Variants in PARD6G observed in about 807,000 individuals in gnomAD.
The protein encoded by PARD6G is partitioning defective 6 homolog gamma.
PARD6G carries 7 observed loss-of-function variants against 10.7 expected under a neutral mutation model. The observed-to-expected ratio is 0.66, with a 90% CI of 0.37 to 1.23. The LOEUF (loss-of-function observed/expected upper bound fraction) is 1.23, where lower values mean the gene tolerates loss of function less well. Ranked by LOEUF, PARD6G falls within the 50% of genes most tolerant of loss-of-function variation. The probability of loss-of-function intolerance (pLI) is 0.02; values close to 1 mark genes in which losing one functional copy is unlikely to be tolerated. For synonymous variants in PARD6G, 287 were observed against 269.4 expected (o/e 1.07, Z -0.64); for missense variants, 548 against 571.8 (o/e 0.96, Z 0.42).
rs1967547271 is a variant in PARD6G, at chr18:80,246,396, C to T, written c.72+881G>A. ...CAAAGGGCAGAAGCGCCAGATCCTA[C>T]CAGCCAATTACCCAGACGCGCATCG... On this transcript the variant is annotated intron_variant, in intron 1 of 2. Transcript: ENST00000353265. The surrounding 1 kb of genome is among the most constrained non-coding windows in gnomAD (Gnocchi z 6.7). Among the ~76,000 whole-genome samples, 3 of 152,192 alleles carry T rather than the reference C, an allele frequency of 2.0e-5. No individual in the cohort carries two copies. Among genetic ancestry groups the T allele is most frequent in the Non-Finnish European group, 4.4e-5 (3 of 68,020 alleles).
rs1966996592 is a variant in PARD6G, at chr18:80,200,283, T to G, written c.295+2427A>C. Among the ~76,000 whole-genome samples, 1 of 152,148 alleles carries G rather than the reference T, an allele frequency of 6.6e-6. No homozygotes were observed. Among genetic ancestry groups the G allele is most frequent in the Admixed American group, 6.5e-5 (1 of 15,278 alleles). Reference sequence around the variant, plus strand: ...TTACTATGCAGGGAGGGTGCCTGACTGTGCACCGGAAACAACTGCCCCTGA... The same window carrying G: ...TTACTATGCAGGGAGGGTGCCTGACGGTGCACCGGAAACAACTGCCCCTGA... On this transcript the variant is annotated intron_variant, in intron 2 of 2. Transcript: ENST00000353265. This position sits in a 1 kb window ranked among gnomAD's most constrained non-coding sequence, Gnocchi z 4.4.
At chr18:80,208,734 T>G (rs1967079159) in intron 1 of PARD6G, among the ~76,000 whole-genome samples, 1 of 151,792 alleles carries the variant, frequency 6.6e-6, no homozygotes, top group Non-Finnish European at 1.5e-5. Context: ...AAGACCTTGT[T>G]TATGTTAAAA....
chr18:80,195,944 C>T (rs1172669758), intron 2 of PARD6G, among the ~76,000 whole-genome samples: 4 of 151,564 alleles, frequency 2.6e-5, no homozygotes, highest in Admixed American at 2.6e-4. Context: ...CTCTAGAGCC[C>T]TGCAAAAGAG....
At chr18:80,162,242 C>T (rs1449103157) in intron 2 of PARD6G, 12 of 152,212 alleles carry the variant, frequency 7.9e-5, no homozygotes, top group African/African-American at 2.9e-4. Flanking sequence ...ACAGTAAGGT[C>T]TGGAAGGACT....
intron 1 of PARD6G, among the ~76,000 whole-genome samples, chr18:80,243,904 T>G (rs1011677609): frequency 2.0e-5 from 3 of 152,114 alleles, no homozygotes; most frequent in African/African-American, 7.2e-5. Context: ...CTGAAGGAAC[T>G]CGGGGCTCTG....
In PARD6G at chr18:80,203,785, T is replaced by A. The variant is rs77740810; in HGVS notation, c.73-853A>T. Among the ~76,000 whole-genome samples, 949 of 152,290 alleles carry A rather than the reference T, an allele frequency of 6.2e-3. 10 individuals carry two copies. The highest frequency in any genetic ancestry group is 0.021 in the African/African-American group (874 of 41,558). On this transcript the variant is annotated intron_variant, in intron 1 of 2. Coordinates refer to ENST00000353265, the MANE Select transcript of PARD6G (RefSeq NM_032510.4). ...CGGGTCTTAATTTTAAGCTAGGAAG[T>A]GTCTTCATTTGATTTGTACTTTAGT... is the stretch of plus-strand genomic sequence containing the variant.
chr18:80,200,493 T>C lies in PARD6G; in HGVS notation c.295+2217A>G, dbSNP rs142077277. On this transcript the variant is annotated intron_variant, in intron 2 of 2. Transcript: ENST00000353265. This position sits in a 1 kb window ranked among gnomAD's most constrained non-coding sequence, Gnocchi z 4.4. Reference sequence around the variant, plus strand: ...CCACCCGTGCCACAGATGAGGACGGTAGAGCTCTGCGGGATGAGGCGTGTG... The same window carrying C: ...CCACCCGTGCCACAGATGAGGACGGCAGAGCTCTGCGGGATGAGGCGTGTG... 7.3e-4 allele frequency among the ~76,000 whole-genome samples: 111 copies of C among 152,026 alleles called. No homozygotes were observed. Among genetic ancestry groups the C allele is most frequent in the African/African-American group, 2.6e-3 (106 of 41,450 alleles).
rs948586776 is a variant in PARD6G at position 80,181,806 on chromosome 18, T to A, written c.295+20904A>T. 6.6e-6 allele frequency among the ~76,000 whole-genome samples: 1 copy of A among 152,068 alleles called. No homozygotes were observed. Among genetic ancestry groups the A allele is most frequent in the African/African-American group, 2.4e-5 (1 of 41,386 alleles). On this transcript the variant is annotated intron_variant, in intron 2 of 2. Coordinates refer to ENST00000353265, the MANE Select transcript of PARD6G (RefSeq NM_032510.4). The surrounding 1 kb of genome is among the most constrained non-coding windows in gnomAD (Gnocchi z 7.9). ...CCTCTCCCCCTGTGCAGAGCATGTG[T>A]GGGGACAGGCAGCTGGATGAAGCAC... is the stretch of plus-strand genomic sequence containing the variant.
intron 1 of PARD6G, among the ~76,000 whole-genome samples, chr18:80,220,648 T>C (rs1413034079): frequency 6.6e-6 from 1 of 152,126 alleles, no homozygotes; most frequent in African/African-American, 2.4e-5. Context: ...TCTCTCTGTG[T>C]CACCCAGGCT....
chr18:80,205,295 T>C (rs1967045095), intron 1 of PARD6G, among the ~76,000 whole-genome samples: 1 of 152,214 alleles, frequency 6.6e-6, no homozygotes, highest in Admixed American at 6.5e-5. Flanking sequence ...AAGACACACA[T>C]GTAAAGCCTA....
intron 2 of PARD6G, among the ~76,000 whole-genome samples, chr18:80,186,881 G>A (rs1238921877): frequency 9.2e-5 from 14 of 152,164 alleles, no homozygotes; most frequent in Admixed American, 3.3e-4. Context: ...TTGGGAGGCC[G>A]AGGTCGGGAA....
chr18:80,206,802 G>A (rs949701672), intron 1 of PARD6G, among the ~76,000 whole-genome samples: 11 of 152,138 alleles, frequency 7.2e-5, no homozygotes, highest in African/African-American at 2.4e-4. Context: ...TGTTTATTTG[G>A]ATGGCTAGTG....
Position 80,180,611 on chromosome 18 carries a change from C to T in PARD6G, c.296-20005G>A, listed in dbSNP as rs1418469835. ...TCAAGCTTAACTGTCTCTATGGCACCGCAAATGGCAGGGCTGCTCCCCACT... is the reference window on the plus strand; with the variant it reads ...TCAAGCTTAACTGTCTCTATGGCACTGCAAATGGCAGGGCTGCTCCCCACT... On this transcript the variant is annotated intron_variant, in intron 2 of 2. Transcript: ENST00000353265. The surrounding 1 kb of genome is among the most constrained non-coding windows in gnomAD (Gnocchi z 5.6). 6.6e-6 allele frequency among the ~76,000 whole-genome samples: 1 copy of T among 152,138 alleles called. No individual in the cohort carries two copies. Among genetic ancestry groups the T allele is most frequent in the Non-Finnish European group, 1.5e-5 (1 of 68,026 alleles).
chr18:80,195,580 T>TATATATATATACA (rs1217519591), intron 2 of PARD6G, among the ~76,000 whole-genome samples: 1 of 134,314 alleles, frequency 7.4e-6, no homozygotes, highest in African/African-American at 2.8e-5. Flanking sequence ...TATACACACA[T>TATATATATATACA]TTTTTTTTCT....
chr18:80,225,902 G>A (rs376744419), intron 1 of PARD6G, among the ~76,000 whole-genome samples: 6 of 152,084 alleles, frequency 3.9e-5, no homozygotes, highest in Non-Finnish European at 7.3e-5. Flanking sequence ...GCCGGCTCAC[G>A]AGGGCCCCAC....
chr18:80,204,703 G>C (rs1967039368), intron 1 of PARD6G, among the ~76,000 whole-genome samples: 1 of 151,830 alleles, frequency 6.6e-6, no homozygotes, highest in Non-Finnish European at 1.5e-5. Context: ...AATCCCAGCA[G>C]TTTGGGAGGC....
At position 80,189,846 on chromosome 18, in the gene PARD6G, A is replaced by T. The variant is rs74969956; in HGVS notation, c.295+12864T>A. Among the ~76,000 whole-genome samples, 1 of 152,360 alleles carries T rather than the reference A, an allele frequency of 6.6e-6. No homozygotes were observed. Among genetic ancestry groups the T allele is most frequent in the Non-Finnish European group, 1.5e-5 (1 of 68,046 alleles). On this transcript the variant is annotated intron_variant, in intron 2 of 2. Coordinates refer to ENST00000353265, the MANE Select transcript of PARD6G (RefSeq NM_032510.4). The surrounding 1 kb of genome is among the most constrained non-coding windows in gnomAD (Gnocchi z 5.5). ...CAAAGGCAAATGAAATACTGCTGTC[A>T]GAAGAATTTTTAAACAGCTGGTTTG... is the stretch of plus-strand genomic sequence containing the variant.
intron 2 of PARD6G, among the ~76,000 whole-genome samples, chr18:80,186,199 C>T (rs538490526): frequency 1.6e-4 from 24 of 147,384 alleles, no homozygotes; most frequent in Middle Eastern, 4.2e-3. Flanking sequence ...CCCTCACACA[C>T]GCATATACCC....
rs2052846291 is a variant in PARD6G at position 80,181,077 on chromosome 18, T to C, written c.296-20471A>G. Among the ~76,000 whole-genome samples the C allele has an allele frequency of 6.6e-6, 1 of 152,106 alleles. No homozygotes were observed. Among genetic ancestry groups the C allele is most frequent in the Non-Finnish European group, 1.5e-5 (1 of 68,012 alleles). On this transcript the variant is annotated intron_variant, in intron 2 of 2. Transcript: ENST00000353265. The surrounding 1 kb of genome is among the most constrained non-coding windows in gnomAD (Gnocchi z 7.9). ...AAAGGTCTGAACCTCACGCGCGATCTCGACATTAGAACATGGGCTGCGACC... is the reference window on the plus strand; with the variant it reads ...AAAGGTCTGAACCTCACGCGCGATCCCGACATTAGAACATGGGCTGCGACC...
Sources: gnomAD v4.1 joint callset for allele counts (sites outside exome capture counted in the v4.1 genomes callset) on GRCh38, gnomAD v4.1.1 for gene constraint, Gnocchi (gnomAD v3.1) non-coding constraint, MANE v1.5 for transcripts, NCBI Gene and HGNC (gene_info 2026-07-23, HGNC 2026-07-21) for gene names.